ENTPD1: variants seen among roughly 807,000 people sequenced by gnomAD.
ENTPD1 encodes ATP diphosphohydrolase.
ENTPD1 carries 33 observed loss-of-function variants against 57.0 expected under a neutral mutation model. The observed-to-expected ratio is 0.58, with a 90% confidence interval of 0.44 to 0.77. The LOEUF is 0.77. ENTPD1 is among the 30% of genes least tolerant of loss of function. The probability of loss-of-function intolerance (pLI) is 0.00; values close to 1 mark genes in which losing one functional copy is unlikely to be tolerated. For missense variants in ENTPD1, 501 were observed against 603.4 expected (o/e 0.83, Z 1.78); for synonymous variants, 202 against 218.8 (o/e 0.92, Z 0.68).
intron 1 of ENTPD1, among the ~76,000 whole-genome samples, chr10:95,724,369 C>A (rs567057332): frequency 6.6e-6 from 1 of 151,958 alleles, no homozygotes; most frequent in Non-Finnish European, 1.5e-5. Context: ...AAAATGTTAC[C>A]GGGGCGGGGT....
At chr10:95,801,221 T>C (rs2098248334) in intron 1 of ENTPD1, among the ~76,000 whole-genome samples, 1 of 152,328 alleles carries the variant, frequency 6.6e-6, no homozygotes, top group South Asian at 2.1e-4. Context: ...CATTTGTCAA[T>C]TTTTGCTTTT....
At chr10:95,729,352 A>T (rs971487627) in intron 1 of ENTPD1, among the ~76,000 whole-genome samples, 15 of 152,282 alleles carry the variant, frequency 9.9e-5, no homozygotes, top group Non-Finnish European at 1.9e-4. Context: ...CTTTATTGGG[A>T]AGGAGGTTCT....
At chr10:95,846,981 T>C (rs186589618) in intron 6 of ENTPD1, among the ~76,000 whole-genome samples, 1 of 130,272 alleles carries the variant, frequency 7.7e-6, no homozygotes. Context: ...AGAGCAAGAC[T>C]CCATCTCAAA....
chr10:95,850,902 G>A (rs984219914), intron 7 of ENTPD1, among the ~76,000 whole-genome samples: 2 of 152,246 alleles, frequency 1.3e-5, no homozygotes, highest in Admixed American at 1.3e-4. Flanking sequence ...TGTTGGGGAG[G>A]GAGTTTTTGC....
Position 95,806,495 on chromosome 10 carries a change from G to A in ENTPD1, c.17-16742G>A, listed in dbSNP as rs546175783. On this transcript the variant is annotated intron_variant, in intron 1 of 9. Transcript: ENST00000371205. ...TTCTGAAGCCTACTTCTGTCAACTC[G>A]TCAAAGTCATTCTCCATCCAGCTTT... Among the ~76,000 whole-genome samples, 10 of 152,268 alleles carry A rather than the reference G, an allele frequency of 6.6e-5. No homozygotes were observed. In the South Asian group the frequency reaches 1.4e-3, roughly 22 times the overall value.
chr10:95,767,176 C>T (rs887149372), intron 1 of ENTPD1, among the ~76,000 whole-genome samples: 10 of 151,068 alleles, frequency 6.6e-5, no homozygotes, highest in African/African-American at 1.7e-4. Context: ...ATTAGCCGGG[C>T]GTGGTGGTGG....
At chr10:95,843,178 C>T (rs2098426096) in intron 4 of ENTPD1, 1 of 152,208 alleles carries the variant, frequency 6.6e-6, no homozygotes, top group South Asian at 2.1e-4. Context: ...AGCATGCATT[C>T]AGTAACTGAT....
At position 95,839,836 on chromosome 10, in the gene ENTPD1, G is replaced by A. The variant is rs751327600; in HGVS notation, c.262+28G>A. ...AAGATGAAGACCAAGGGAAGGGGAG[G>A]CCAACAGTGGGGCATGAGAACATGA... On this transcript the variant is annotated intron_variant, in intron 3 of 9. Coordinates refer to ENST00000371205, the MANE Select transcript of ENTPD1 (RefSeq NM_001776.6). 7.5e-6 allele frequency: 12 copies of A among 1,607,114 alleles called. No individual in the cohort carries two copies. The South Asian group carries it at 1.3e-4, about 18-fold the overall frequency.
Position 95,875,954 on chromosome 10 carries a change from C to G in ENTPD1, c.*9571C>G, listed in dbSNP as rs1482944749. On this transcript the variant is annotated 3_prime_UTR_variant, in exon 10 of 10. Transcript: ENST00000371205. ...AGTTGAGATTTGGGTGGGGACACAGCCAAACCATATCAATGATTTTGTACT... is the reference window on the plus strand; with the variant it reads ...AGTTGAGATTTGGGTGGGGACACAGGCAAACCATATCAATGATTTTGTACT... 3 of 985,098 alleles carry G rather than the reference C, an allele frequency of 3.0e-6. No individual in the cohort carries two copies. Among genetic ancestry groups the G allele is most frequent in the Non-Finnish European group, 3.6e-6 (3 of 829,862 alleles). The allele number at this position is 985,098 out of a possible 1,614,324, so 61.0% of individuals were successfully genotyped here. A position where few individuals can be genotyped will look rare whatever the true frequency, so the allele number is the denominator to read the frequency against.
intron 1 of ENTPD1, among the ~76,000 whole-genome samples, chr10:95,759,516 C>T (rs2098046670): frequency 6.6e-6 from 1 of 152,194 alleles, no homozygotes. Context: ...AGATAATGTA[C>T]TCTGGTAATG....
At chr10:95,755,136 T>C (rs1187366558), upstream of ENTPD1, 2 of 152,258 alleles carry the variant, frequency 1.3e-5, no homozygotes, top group African/African-American at 4.8e-5. Context: ...ATCAAATATT[T>C]ATTGAGAGCC....
rs1464819705 is a variant in ENTPD1 at position 95,791,737 on chromosome 10, G to A, written c.17-31500G>A. Among the ~76,000 whole-genome samples, 1 of 152,310 alleles carries A rather than the reference G, an allele frequency of 6.6e-6. No homozygotes were observed. Among genetic ancestry groups the A allele is most frequent in the Non-Finnish European group, 1.5e-5 (1 of 68,030 alleles). ...GTACATTAGAATCACCCGGCTGGGGGTAGAGGTGTTAAAAGTGAACAGTGC... is the reference window on the plus strand; with the variant it reads ...GTACATTAGAATCACCCGGCTGGGGATAGAGGTGTTAAAAGTGAACAGTGC... On this transcript the variant is annotated intron_variant, in intron 1 of 9. Transcript: ENST00000371205. This position sits in a 1 kb window ranked among gnomAD's most constrained non-coding sequence, Gnocchi z 4.1.
At position 95,876,251 on chromosome 10, in the gene ENTPD1, A is replaced by T; in HGVS notation, c.*9868A>T. On this transcript the variant is annotated 3_prime_UTR_variant, in exon 10 of 10. Coordinates refer to ENST00000371205, the MANE Select transcript of ENTPD1 (RefSeq NM_001776.6). ...ACACATAATGTAGATTGCTAATTTT[A>T]TAATAACACAAGTTGATTTTGACAT... The T allele has an allele frequency of 1.0e-6, 1 of 978,706 alleles. No individual in the cohort carries two copies. Among genetic ancestry groups the T allele is most frequent in the Non-Finnish European group, 1.2e-6 (1 of 823,804 alleles). The allele number at this position is 978,706 out of a possible 1,614,324, so 60.6% of individuals were successfully genotyped here.
At chr10:95,711,910 T>C in exon 1 of ENTPD1, 3 of 1,610,360 alleles carry the variant, frequency 1.9e-6, no homozygotes, top group Non-Finnish European at 2.5e-6. Context: ...CCAGTTTTGG[T>C]GCTGTGAACA....
intron 7 of ENTPD1, among the ~76,000 whole-genome samples, chr10:95,852,831 T>C (rs1338212650): frequency 6.6e-6 from 1 of 152,244 alleles, no homozygotes; most frequent in African/African-American, 2.4e-5. Flanking sequence ...TTGGTTACTG[T>C]AGCCTTGTAG....
In ENTPD1 at chr10:95,876,024, T is replaced by C. The variant is rs376317078; in HGVS notation, c.*9641T>C. The C allele has an allele frequency of 1.8e-5, 18 of 985,384 alleles. No homozygotes were observed. In the African/African-American group the frequency reaches 3.1e-4, roughly 17 times the overall value. 61.0% of individuals were successfully genotyped at this position (985,384 alleles called of 1,614,324 possible). A position where few individuals can be genotyped will look rare whatever the true frequency, so the allele number is the denominator to read the frequency against. On this transcript the variant is annotated 3_prime_UTR_variant, in exon 10 of 10. Coordinates refer to ENST00000371205, the MANE Select transcript of ENTPD1 (RefSeq NM_001776.6). ...TACAATCTCTTGCTATATGACACAATAATTATTTGCAAAATGAGTAAACAT... is the reference window on the plus strand; with the variant it reads ...TACAATCTCTTGCTATATGACACAACAATTATTTGCAAAATGAGTAAACAT...
chr10:95,839,668 T>C (rs1216175852), intron 2 of ENTPD1, 23 bp from the exon 3 acceptor site: 3 of 1,611,588 alleles, frequency 1.9e-6, no homozygotes, highest in Non-Finnish European at 2.5e-6. Flanking sequence ...TACTGATAAG[T>C]TTTTGGTCTG....
intron 1 of ENTPD1, among the ~76,000 whole-genome samples, chr10:95,793,488 C>T (rs2098214073): frequency 1.3e-5 from 2 of 152,286 alleles, no homozygotes; most frequent in South Asian, 2.1e-4. Context: ...CTCCCCTTCT[C>T]ATCCGCCATT....
At chr10:95,842,275 T>C in intron 3 of ENTPD1, 69 bp from the exon 4 acceptor site, 1 of 1,383,656 alleles carries the variant, frequency 7.2e-7, no homozygotes, top group East Asian at 2.4e-5. Flanking sequence ...CATATTTTGA[T>C]CTACTATTGT....
Sources: allele counts gnomAD v4.1 joint callset (sites outside exome capture counted in the v4.1 genomes callset), GRCh38; gene constraint gnomAD v4.1.1; non-coding constraint Gnocchi (gnomAD v3.1); transcripts MANE v1.5; gene names NCBI Gene and HGNC (gene_info 2026-07-23, HGNC 2026-07-21).